CACNA1D: variants seen among roughly 807,000 people sequenced by gnomAD.
CACNA1D encodes calcium voltage-gated channel subunit alpha1 D, also known as voltage-dependent L-type calcium channel subunit alpha-1D.
Under a neutral mutation model 257.1 loss-of-function variants are expected in CACNA1D, and 55 were observed. That is an observed-to-expected ratio of 0.21 (90% CI 0.17 to 0.27). The LOEUF is 0.27. Ranked by LOEUF, CACNA1D falls within the 10% of genes least tolerant of loss-of-function variation. CACNA1D has a pLI of 1.00. For synonymous variants in CACNA1D, 980 were observed against 1,014.9 expected, an observed-to-expected ratio of 0.97 and a Z score of 0.65; for missense variants, 1,876 against 2,784.0, an observed-to-expected ratio of 0.67 and a Z score of 7.34.
intron 3 of CACNA1D, among the ~76,000 whole-genome samples, chr3:53,553,294 C>T (rs1461165532): frequency 2.6e-5 from 4 of 152,192 alleles, no homozygotes; most frequent in Non-Finnish European, 5.9e-5. Context: ...TCCCTGCTCT[C>T]AGTTATGAAG....
intron 35 of CACNA1D, among the ~76,000 whole-genome samples, chr3:53,776,292 G>C (rs943277253): frequency 2.0e-5 from 3 of 152,144 alleles, no homozygotes; most frequent in African/African-American, 7.2e-5. Flanking sequence ...AGCTTCTTAG[G>C]GTTCCTTTCT....
chr3:53,675,348 T>G (rs2094364806), intron 8 of CACNA1D, among the ~76,000 whole-genome samples: 1 of 152,240 alleles, frequency 6.6e-6, no homozygotes, highest in Non-Finnish European at 1.5e-5. Flanking sequence ...TGGTGTCTAT[T>G]CCTGGAGAAA....
rs2095385327 is a variant in CACNA1D, at chr3:53,774,479, A to T, written c.4111-108A>T. The stretch of plus-strand genomic sequence containing the variant: ...TGAGTGAAGTGCCAGGTACCATGAG[A>T]AAACCCTAGCTGGTAAAGATCAAAC... On this transcript the variant is annotated intron_variant, in intron 33 of 47. Transcript: ENST00000350061. This position sits in a 1 kb window ranked among gnomAD's most constrained non-coding sequence, Gnocchi z 4.3. 2.7e-6 allele frequency: 2 copies of T among 748,444 alleles called. No homozygotes were observed. The highest frequency in any genetic ancestry group is 3.9e-5 in the Admixed American group (2 of 51,552). 46.4% of individuals were successfully genotyped at this position (748,444 alleles called of 1,614,324 possible).
chr3:53,773,772 G>C (rs1022029361), intron 33 of CACNA1D: 2 of 151,878 alleles, frequency 1.3e-5, no homozygotes, highest in African/African-American at 4.8e-5. Context: ...TTGAGCCTCT[G>C]TGATTCAGCA....
At chr3:53,773,006 C>A in intron 33 of CACNA1D, 108 bp downstream of exon 33, 6 of 939,832 alleles carry the variant, frequency 6.4e-6, no homozygotes, top group Non-Finnish European at 8.7e-6. Context: ...ATTTTTCAGC[C>A]AAATGCCTCT....
chr3:53,808,856 A>T (rs2095581181), intron 46 of CACNA1D, 86 bp downstream of exon 46: 1 of 1,401,476 alleles, frequency 7.1e-7, no homozygotes, highest in African/African-American at 1.4e-5. Context: ...CCTTGGCCTT[A>T]AGCACCAGGA....
At chr3:53,652,691 C>A (rs1352031614) in intron 4 of CACNA1D, among the ~76,000 whole-genome samples, 1 of 152,200 alleles carries the variant, frequency 6.6e-6, no homozygotes, top group Non-Finnish European at 1.5e-5. Flanking sequence ...TAAACTGGCT[C>A]TAGAGCAGGG....
intron 3 of CACNA1D, among the ~76,000 whole-genome samples, chr3:53,635,774 C>T (rs1424592326): frequency 6.6e-6 from 1 of 152,186 alleles, no homozygotes; most frequent in Non-Finnish European, 1.5e-5. Flanking sequence ...TCTTCCTTCC[C>T]GTATAAACTT....
At chr3:53,667,139 G>T (rs144081415) in intron 7 of CACNA1D, among the ~76,000 whole-genome samples, 4 of 152,134 alleles carry the variant, frequency 2.6e-5, no homozygotes, top group Admixed American at 6.6e-5. Flanking sequence ...ACAGACCTCT[G>T]GCAGAAAGGG....
chr3:53,614,143 AGAG>A (rs1169257261), intron 3 of CACNA1D, among the ~76,000 whole-genome samples: 1 of 149,498 alleles, frequency 6.7e-6, no homozygotes, highest in Non-Finnish European at 1.5e-5. Context: ...AAAAAAAAAA[AGAG>A]AGACAAGAAA....
chr3:53,734,008 A>ATG (rs67631750), intron 19 of CACNA1D, among the ~76,000 whole-genome samples: 6 of 71,024 alleles, frequency 8.4e-5, no homozygotes, highest in Non-Finnish European at 1.1e-4. Flanking sequence ...ACATATATAT[A>ATG]TGTGTGTGTA....
chr3:53,579,537 AGATTT>A (rs1256611956), intron 3 of CACNA1D, among the ~76,000 whole-genome samples: 3 of 152,200 alleles, frequency 2.0e-5, no homozygotes, highest in African/African-American at 7.2e-5. Flanking sequence ...TCTCTTACAA[AGATTT>A]GTAGGGAATT....
chr3:53,740,992 G>C (rs2108816262), intron 21 of CACNA1D, among the ~76,000 whole-genome samples: 1 of 152,292 alleles, frequency 6.6e-6, no homozygotes, highest in East Asian at 1.9e-4. Context: ...TGTTTTAATG[G>C]ATGGGCTTAC....
intron 7 of CACNA1D, among the ~76,000 whole-genome samples, chr3:53,666,916 A>AAG (rs2094270833): frequency 6.6e-6 from 1 of 152,152 alleles, no homozygotes; most frequent in Non-Finnish European, 1.5e-5. Context: ...GCCACAGGCT[A>AAG]AGGTTAATCA....
chr3:53,695,676 C>G (rs1322885245), intron 8 of CACNA1D, among the ~76,000 whole-genome samples: 1 of 152,118 alleles, frequency 6.6e-6, no homozygotes, highest in Non-Finnish European at 1.5e-5. Flanking sequence ...TCCAAATAGT[C>G]GTGTAAGAAA....
At chr3:53,563,169 C>G (rs1460131122) in intron 3 of CACNA1D, among the ~76,000 whole-genome samples, 6 of 152,132 alleles carry the variant, frequency 3.9e-5, no homozygotes, top group Non-Finnish European at 8.8e-5. Context: ...ACCTTTCACT[C>G]CTTTGGGTGT....
intron 3 of CACNA1D, among the ~76,000 whole-genome samples, chr3:53,582,086 C>T (rs2093141741): frequency 1.3e-5 from 2 of 152,060 alleles, no homozygotes; most frequent in Non-Finnish European, 2.9e-5. Flanking sequence ...GAAGTATATT[C>T]TCCTGTGTTT....
intron 3 of CACNA1D, among the ~76,000 whole-genome samples, chr3:53,614,999 GGAGA>G (rs1209653160): frequency 1.3e-5 from 2 of 152,164 alleles, no homozygotes; most frequent in Non-Finnish European, 2.9e-5. Context: ...AAAATGGGAA[GGAGA>G]GAGAAGAAAA....
intron 8 of CACNA1D, chr3:53,679,380 T>G (rs1473475269): frequency 6.9e-6 from 1 of 145,550 alleles, no homozygotes; most frequent in Non-Finnish European, 1.5e-5. Flanking sequence ...CTCCAATATA[T>G]ATACCTCTGA....
Sources: allele counts gnomAD v4.1 joint callset (sites outside exome capture counted in the v4.1 genomes callset), GRCh38; gene constraint gnomAD v4.1.1; non-coding constraint Gnocchi (gnomAD v3.1); transcripts MANE v1.5; gene names NCBI Gene and HGNC (gene_info 2026-07-23, HGNC 2026-07-21).